SEMA6D: variants seen among roughly 807,000 people sequenced by gnomAD.
The protein encoded by SEMA6D is semaphorin-6D.
SEMA6D carries 35 observed loss-of-function variants against 106.6 expected under a neutral mutation model. The observed-to-expected ratio is 0.33, with a 90% CI of 0.25 to 0.44. The LOEUF (loss-of-function observed/expected upper bound fraction) is 0.44, where lower values mean the gene tolerates loss of function less well. Ranked by LOEUF, SEMA6D falls within the 20% of genes least tolerant of loss-of-function variation. The probability of loss-of-function intolerance (pLI) is 1.00; values close to 1 mark genes in which losing one functional copy is unlikely to be tolerated. For synonymous variants in SEMA6D, 499 were observed against 487.7 expected (o/e 1.02, Z -0.31); for missense variants, 1,185 against 1,345.9 (o/e 0.88, Z 1.87).
At chr15:47,530,478 T>C (rs934847653) in intron 3 of SEMA6D, among the ~76,000 whole-genome samples, 1 of 152,226 alleles carries the variant, frequency 6.6e-6, no homozygotes, top group Non-Finnish European at 1.5e-5. Flanking sequence ...ATATAAAATA[T>C]ATACGTAAAC....
At chr15:47,748,326 T>A (rs2147249901) in intron 1 of SEMA6D, among the ~76,000 whole-genome samples, 1 of 152,358 alleles carries the variant, frequency 6.6e-6, no homozygotes, top group African/African-American at 2.4e-5. Flanking sequence ...GTGTTCTACC[T>A]TCTTTCTTTA....
intron 3 of SEMA6D, among the ~76,000 whole-genome samples, chr15:47,482,009 G>A (rs1596113130): frequency 1.3e-5 from 2 of 152,108 alleles, no homozygotes; most frequent in African/African-American, 2.4e-5. Context: ...CTCATGTAAC[G>A]AGAGTTGGAC....
At chr15:47,333,074 C>G (rs1235753165) in intron 1 of SEMA6D, among the ~76,000 whole-genome samples, 1 of 152,130 alleles carries the variant, frequency 6.6e-6, no homozygotes, top group South Asian at 2.1e-4. Context: ...CTGTCACTTT[C>G]ATCGTTGTGT....
chr15:47,192,711 A>T (rs2140967845), intron 1 of SEMA6D, among the ~76,000 whole-genome samples: 1 of 152,340 alleles, frequency 6.6e-6, no homozygotes, highest in Admixed American at 6.5e-5. Flanking sequence ...AAAAATGAAC[A>T]TGTTAAAAGG....
At chr15:47,258,008 A>G (rs2033895253) in intron 1 of SEMA6D, among the ~76,000 whole-genome samples, 1 of 152,226 alleles carries the variant, frequency 6.6e-6, no homozygotes, top group Non-Finnish European at 1.5e-5. Flanking sequence ...TATCTCTAAT[A>G]AATTTCTTTC....
intron 1 of SEMA6D, among the ~76,000 whole-genome samples, chr15:47,325,681 C>A (rs1038583661): frequency 2.0e-5 from 3 of 152,078 alleles, no homozygotes; most frequent in African/African-American, 7.2e-5. Flanking sequence ...TGCTCTCTTC[C>A]GTGGTTGTTG....
chr15:47,597,517 A>G (rs577876664), intron 3 of SEMA6D, among the ~76,000 whole-genome samples: 8 of 152,218 alleles, frequency 5.3e-5, no homozygotes, highest in African/African-American at 1.2e-4. Context: ...TATATACACA[A>G]TGGAATACTA....
intron 3 of SEMA6D, among the ~76,000 whole-genome samples, chr15:47,547,826 A>T (rs1422429852): frequency 2.0e-5 from 3 of 152,180 alleles, no homozygotes; most frequent in Admixed American, 2.0e-4. Context: ...AAAGTAATCA[A>T]AATGAAGTCA....
intron 1 of SEMA6D, among the ~76,000 whole-genome samples, chr15:47,317,287 GTCTC>G (rs2036721402): frequency 6.6e-6 from 1 of 151,964 alleles, no homozygotes; most frequent in African/African-American, 2.4e-5. Context: ...AATTTATGAT[GTCTC>G]TCTCCCTCTA....
intron 3 of SEMA6D, among the ~76,000 whole-genome samples, chr15:47,554,074 C>A (rs2045846284): frequency 6.6e-6 from 1 of 152,032 alleles, no homozygotes; most frequent in Admixed American, 6.6e-5. Flanking sequence ...CTCATTTCAC[C>A]CTCTCTGAGC....
chr15:47,621,780 A>T (rs1163269326), intron 4 of SEMA6D, among the ~76,000 whole-genome samples: 1 of 152,166 alleles, frequency 6.6e-6, no homozygotes, highest in Admixed American at 6.5e-5. Flanking sequence ...CTCACCTGTC[A>T]AACAGACATA....
chr15:47,497,484 GT>G (rs2141542811), intron 3 of SEMA6D, among the ~76,000 whole-genome samples: 1 of 152,036 alleles, frequency 6.6e-6, no homozygotes, highest in African/African-American at 2.4e-5. Flanking sequence ...CTGCTATTTA[GT>G]TTCTTTTGAA....
intron 1 of SEMA6D, among the ~76,000 whole-genome samples, chr15:47,215,845 C>T (rs2030540444): frequency 6.6e-6 from 1 of 152,138 alleles, no homozygotes; most frequent in African/African-American, 2.4e-5. Flanking sequence ...TTGTGGTTTT[C>T]ACCTGAGAAG....
At chr15:47,587,716 T>G (rs546834168) in intron 3 of SEMA6D, among the ~76,000 whole-genome samples, 6 of 152,280 alleles carry the variant, frequency 3.9e-5, no homozygotes, top group African/African-American at 9.6e-5. Context: ...CAGTAAAACT[T>G]TATTTATAAA....
chr15:47,509,747 A>G (rs2044166692), intron 3 of SEMA6D, among the ~76,000 whole-genome samples: 4 of 152,218 alleles, frequency 2.6e-5, no homozygotes, highest in Admixed American at 1.3e-4. Context: ...TCGCTAGTCC[A>G]GTGGTTCTCA....
At chr15:47,194,178 C>T (rs1487734869) in intron 1 of SEMA6D, among the ~76,000 whole-genome samples, 1 of 151,798 alleles carries the variant, frequency 6.6e-6, no homozygotes, top group Non-Finnish European at 1.5e-5. Flanking sequence ...CTATTAAGAT[C>T]ATGGAATTGT....
intron 1 of SEMA6D, among the ~76,000 whole-genome samples, chr15:47,212,163 T>G (rs1385559679): frequency 6.6e-6 from 1 of 152,230 alleles, no homozygotes; most frequent in Admixed American, 6.5e-5. Context: ...AGAATAATTG[T>G]GGTCACCAGC....
At chr15:47,566,342 T>A (rs894501381) in intron 3 of SEMA6D, among the ~76,000 whole-genome samples, 2 of 152,060 alleles carry the variant, frequency 1.3e-5, no homozygotes, top group African/African-American at 4.8e-5. Context: ...TAGTAATGAG[T>A]GGAGAGAGTA....
Position 47,770,773 on chromosome 15 carries a change from T to C in SEMA6D, c.2210T>C (p.Leu737Pro), listed in dbSNP as rs368818271. ...EYQQNIDSPKLYSNLLTSRKE... is the reference protein window; with the variant it reads ...EYQQNIDSPKPYSNLLTSRKE... ...CAACAGAATATTGATTCTCCTAAAC[T>C]GTATAGTAACCTGCTAACCAGTCGG... The change falls in exon 19 of 19, where the codon CTG becomes CCG. Residue 737 changes from leucine (L) to proline (P), a missense_variant. By Grantham distance (98) the Leu-to-Pro change is moderately conservative (BLOSUM62 -3). Transcript: ENST00000536845. The C allele has an allele frequency of 1.1e-5, 17 of 1,613,970 alleles. No homozygotes were observed. Among genetic ancestry groups the C allele is most frequent in the Middle Eastern group, 3.3e-4 (2 of 6,082 alleles).
Sources: gnomAD v4.1 joint callset for allele counts (sites outside exome capture counted in the v4.1 genomes callset) on GRCh38, gnomAD v4.1.1 for gene constraint, MANE v1.5 for transcripts, NCBI Gene and HGNC (gene_info 2026-07-23, HGNC 2026-07-21) for gene names.